TASP1: variants seen among roughly 807,000 people sequenced by gnomAD.
TASP1 encodes taspase 1.
In TASP1, 16 loss-of-function variants were observed where a neutral mutation model predicts 56.6. The ratio of observed to expected loss-of-function variants is 0.28; its 90% CI spans 0.19 to 0.43. TASP1 has a LOEUF of 0.43. Among genes scored for constraint, TASP1 ranks in the 20% least tolerant of loss-of-function variants. The pLI, the probability that TASP1 is intolerant of heterozygous loss-of-function variation, is 1.00. For missense variants in TASP1, 393 were observed against 511.6 expected (o/e 0.77, Z 2.24); for synonymous variants, 179 against 184.2 (o/e 0.97, Z 0.23).
At chr20:13,167,955 GTA>G in the TASP1 span, 1 of 152,158 alleles carries the variant, frequency 6.6e-6, no homozygotes, top group Non-Finnish European at 1.5e-5. Context: ...ATAATTAAGT[GTA>G]TATATACTGG....
chr20:13,585,539 T>A (rs1029127412), intron 5 of TASP1, among the ~76,000 whole-genome samples: 8 of 152,166 alleles, frequency 5.3e-5, no homozygotes, highest in African/African-American at 1.9e-4. Context: ...GATGCAAATA[T>A]GCACTTCTCA....
chr20:13,242,850 C>A, the TASP1 span, among the ~76,000 whole-genome samples: 1 of 152,178 alleles, frequency 6.6e-6, no homozygotes, highest in Non-Finnish European at 1.5e-5. Flanking sequence ...ATACAGATTT[C>A]ACCTGATTTT....
the TASP1 span, among the ~76,000 whole-genome samples, chr20:13,330,355 T>G: frequency 6.6e-6 from 1 of 152,256 alleles, no homozygotes; most frequent in Non-Finnish European, 1.5e-5. Context: ...TTTTGAATAC[T>G]GAATTAGTCT....
chr20:13,353,163 G>T, the TASP1 span, among the ~76,000 whole-genome samples: 1 of 151,350 alleles, frequency 6.6e-6, no homozygotes. Flanking sequence ...TTGAGCCCAT[G>T]AGCTCAAGGC....
At chr20:13,472,458 C>G (rs181555384) in intron 11 of TASP1, among the ~76,000 whole-genome samples, 10 of 150,786 alleles carry the variant, frequency 6.6e-5, no homozygotes, top group Admixed American at 3.3e-4. Flanking sequence ...CAAAAGCAAT[C>G]GCAACAAAAG....
At chr20:13,129,267 G>A in the TASP1 span, among the ~76,000 whole-genome samples, 2 of 152,150 alleles carry the variant, frequency 1.3e-5, no homozygotes, top group Non-Finnish European at 2.9e-5. Context: ...CTCCTAAAGT[G>A]CTGGGATTAC....
intron 11 of TASP1, among the ~76,000 whole-genome samples, chr20:13,480,337 A>T (rs2043094575): frequency 6.6e-6 from 1 of 152,234 alleles, no homozygotes; most frequent in Admixed American, 6.5e-5. Flanking sequence ...TCTGTATTTC[A>T]TACCATTTTA....
the TASP1 span, among the ~76,000 whole-genome samples, chr20:13,335,505 A>G: frequency 6.6e-6 from 1 of 152,186 alleles, no homozygotes; most frequent in African/African-American, 2.4e-5. Flanking sequence ...ACCCAATCAT[A>G]GTGTCTTACT....
chr20:13,574,798 AAG>A (rs61504280), intron 6 of TASP1, among the ~76,000 whole-genome samples: 1,576 of 152,284 alleles, frequency 0.01, 30 homozygotes, highest in African/African-American at 0.035. Flanking sequence ...AAATGAAACA[AAG>A]AGAGAAAAAA....
chr20:13,164,664 TCTTTGTGAGGCTTGCTATTAATCTGGG>T, the TASP1 span: 2 of 916,150 alleles, frequency 2.2e-6, no homozygotes, highest in Non-Finnish European at 3.4e-6. Context: ...AGACTGTGTG[TCTTTGTGAGGCTTGCTATTAATCTGGG>T]CTCTGCAAAG....
the TASP1 span, among the ~76,000 whole-genome samples, chr20:13,161,723 C>A: frequency 6.6e-6 from 1 of 151,936 alleles, no homozygotes; most frequent in Non-Finnish European, 1.5e-5. Flanking sequence ...CTTGATGTTC[C>A]ATAGAGTAGG....
the TASP1 span, among the ~76,000 whole-genome samples, chr20:13,171,579 T>C: frequency 1.1e-4 from 16 of 152,294 alleles, no homozygotes; most frequent in Admixed American, 2.6e-4. Flanking sequence ...AAATATTTTA[T>C]TAAAGTGGGT....
chr20:13,393,697 G>C, intron 13 of TASP1: 1 of 1,167,428 alleles, frequency 8.6e-7, no homozygotes, highest in Non-Finnish European at 1.2e-6. Flanking sequence ...ACCAGCCCCA[G>C]CGACAGCATG....
chr20:13,319,728 A>AC, the TASP1 span, among the ~76,000 whole-genome samples: 1 of 152,006 alleles, frequency 6.6e-6, no homozygotes, highest in African/African-American at 2.4e-5. Context: ...TTGAAGATTA[A>AC]CCCCCTCCCC....
chr20:13,186,011 T>C, the TASP1 span, among the ~76,000 whole-genome samples: 1 of 152,158 alleles, frequency 6.6e-6, no homozygotes, highest in African/African-American at 2.4e-5. Flanking sequence ...ACAGTTAAGA[T>C]CTACTTACCT....
chr20:13,451,120 A>T (rs551566541), intron 11 of TASP1, among the ~76,000 whole-genome samples: 3 of 152,122 alleles, frequency 2.0e-5, no homozygotes, highest in African/African-American at 7.2e-5. Flanking sequence ...AGCAGCTCTC[A>T]ACAGTGGGAT....
At chr20:13,204,951 G>T in the TASP1 span, among the ~76,000 whole-genome samples, 1 of 152,072 alleles carries the variant, frequency 6.6e-6, no homozygotes, top group African/African-American at 2.4e-5. Flanking sequence ...CTCAGGCCCA[G>T]ACTCCCCTCC....
At chr20:13,473,898 C>T (rs923210476) in intron 11 of TASP1, among the ~76,000 whole-genome samples, 5 of 152,038 alleles carry the variant, frequency 3.3e-5, no homozygotes, top group Non-Finnish European at 7.4e-5. Flanking sequence ...CATAGTGAGA[C>T]CCTGTCTCCA....
intron 13 of TASP1, among the ~76,000 whole-genome samples, chr20:13,395,778 T>G (rs908439092): frequency 6.6e-6 from 1 of 151,232 alleles, no homozygotes; most frequent in East Asian, 2.0e-4. Flanking sequence ...CTCAGCTCAC[T>G]GCAACCTCCA....
Sources: gnomAD v4.1 joint callset for allele counts (sites outside exome capture counted in the v4.1 genomes callset) on GRCh38, gnomAD v4.1.1 for gene constraint, MANE v1.5 for transcripts, NCBI Gene and HGNC (gene_info 2026-07-23, HGNC 2026-07-21) for gene names.